The following DHTKD1 variants were observed in gnomAD, a reference collection of about 807,000 sequenced individuals.
The protein encoded by DHTKD1 is dehydrogenase E1 and transketolase domain containing 1.
DHTKD1 carries 78 observed loss-of-function variants against 101.8 expected under a neutral mutation model. The observed-to-expected ratio is 0.77, with a 90% confidence interval of 0.64 to 0.93. The LOEUF (loss-of-function observed/expected upper bound fraction) is 0.93. Among genes scored for constraint, DHTKD1 ranks in the 40% least tolerant of loss-of-function variants. The pLI is 0.00. For missense variants in DHTKD1, 1,223 were observed against 1,161.7 expected (o/e 1.05, Z -0.77); for synonymous variants, 462 against 450.3 (o/e 1.03, Z -0.33).
At chr10:12,077,757 C>T (rs555586717) in intron 1 of DHTKD1, among the ~76,000 whole-genome samples, 7 of 151,828 alleles carry the variant, frequency 4.6e-5, no homozygotes, top group East Asian at 1.9e-4. Context: ...AGTACCTTCA[C>T]GTCGTACTCA....
At chr10:12,088,653 G>A (rs1182597733) in intron 4 of DHTKD1, among the ~76,000 whole-genome samples, 1 of 151,834 alleles carries the variant, frequency 6.6e-6, no homozygotes, top group Non-Finnish European at 1.5e-5. Context: ...GCGTGATCTC[G>A]GCTCACTGCA....
chr10:12,119,629 A>AAG (rs1232633406), intron 15 of DHTKD1, among the ~76,000 whole-genome samples: 10 of 151,608 alleles, frequency 6.6e-5, no homozygotes, highest in Non-Finnish European at 1.3e-4. Context: ...AAAAAAAAAA[A>AAG]AAAAAAGAAA....
intron 2 of DHTKD1, among the ~76,000 whole-genome samples, chr10:12,081,930 A>C (rs566236301): frequency 6.6e-6 from 1 of 151,754 alleles, no homozygotes; most frequent in South Asian, 2.1e-4. Flanking sequence ...GTTTGAGACC[A>C]ACCTGGGCAA....
chr10:12,117,235 CCTGA>C (rs1486656614), intron 13 of DHTKD1, among the ~76,000 whole-genome samples: 3 of 151,206 alleles, frequency 2.0e-5, no homozygotes, highest in African/African-American at 7.3e-5. Context: ...GTCTCAAACT[CCTGA>C]CCTCAGGTGA....
chr10:12,098,717 A>T (rs1283803816), intron 8 of DHTKD1, among the ~76,000 whole-genome samples: 2 of 152,150 alleles, frequency 1.3e-5, no homozygotes, highest in Non-Finnish European at 2.9e-5. Flanking sequence ...GGCATGTGCC[A>T]CCATGCCCAG....
At chr10:12,120,142 G>C (rs1833501155) in intron 15 of DHTKD1, 40 bp from the exon 16 acceptor site, 1 of 1,505,276 alleles carries the variant, frequency 6.6e-7, no homozygotes, top group Non-Finnish European at 9.2e-7. Flanking sequence ...CCGTCTGCAT[G>C]TGTCTACTTG....
chr10:12,106,293 T>C lies in DHTKD1; in HGVS notation c.1944T>C (p.Tyr648=), dbSNP rs1564396376. 2 of 1,614,136 alleles carry C rather than the reference T, an allele frequency of 1.2e-6. No individual in the cohort carries two copies. Among genetic ancestry groups the C allele is most frequent in the East Asian group, 2.2e-5 (1 of 44,864 alleles). ...AAGAGGCCGTCCTGGGATTTGAATATGGGATGAGCATTGAGAGCCCAAAGT... is the reference window on the plus strand; with the variant it reads ...AAGAGGCCGTCCTGGGATTTGAATACGGGATGAGCATTGAGAGCCCAAAGT... ...LSEEAVLGFE[Y]GMSIESPKLL... The change falls in exon 11 of 17, where the codon TAT becomes TAC. Residue 648 remains tyrosine (Y), a synonymous_variant. Coordinates refer to ENST00000263035, the MANE Select transcript of DHTKD1 (RefSeq NM_018706.7).
At chr10:12,100,368 C>T (rs1393786494) in intron 9 of DHTKD1, 106 bp downstream of exon 9, 1 of 557,998 alleles carries the variant, frequency 1.8e-6, no homozygotes, top group Non-Finnish European at 3.0e-6. Context: ...ACCTCCGCCT[C>T]CCAGGTTCAA....
chr10:12,105,279 G>A (rs1275237919), intron 10 of DHTKD1, among the ~76,000 whole-genome samples: 1 of 151,866 alleles, frequency 6.6e-6, no homozygotes, highest in African/African-American at 2.4e-5. Flanking sequence ...ACCAAAGGTA[G>A]GACTTTATTT....
At chr10:12,101,919 T>C (rs1833176274) in intron 10 of DHTKD1, among the ~76,000 whole-genome samples, 1 of 152,202 alleles carries the variant, frequency 6.6e-6, no homozygotes, top group South Asian at 2.1e-4. Flanking sequence ...ACCATGTATT[T>C]CTGTGTGGCA....
Position 12,068,983 on chromosome 10 carries a change from G to C in DHTKD1, c.-51G>C. 1 of 1,605,982 alleles carries C rather than the reference G, an allele frequency of 6.2e-7. No individual in the cohort carries two copies. The highest frequency in any genetic ancestry group is 1.7e-5 in the Admixed American group (1 of 59,600). ...AGTCCCGGATTTACCAGGGCCGGTGGGATCCCCTCGGGCTCCCGCCTTAGC... is the reference window on the plus strand; with the variant it reads ...AGTCCCGGATTTACCAGGGCCGGTGCGATCCCCTCGGGCTCCCGCCTTAGC... On this transcript the variant is annotated 5_prime_UTR_variant, in exon 1 of 17. Coordinates refer to ENST00000263035, the MANE Select transcript of DHTKD1 (RefSeq NM_018706.7).
chr10:12,089,752 C>T (rs1832958833), intron 5 of DHTKD1, among the ~76,000 whole-genome samples: 1 of 152,002 alleles, frequency 6.6e-6, no homozygotes, highest in South Asian at 2.1e-4. Context: ...CTCACTGCAA[C>T]CTCTGCCTCC....
intron 5 of DHTKD1, among the ~76,000 whole-genome samples, chr10:12,090,482 CT>C (rs1204248530): frequency 7.9e-6 from 1 of 126,512 alleles, no homozygotes. Flanking sequence ...CTTCCTTCTT[CT>C]TTCTCTCTCT....
chr10:12,120,059 T>G (rs1335144169), intron 15 of DHTKD1, 123 bp from the exon 16 acceptor site: 3 of 712,062 alleles, frequency 4.2e-6, no homozygotes, highest in East Asian at 2.5e-5. Flanking sequence ...CAGTTTCTAG[T>G]GAATGTGAAT....
At chr10:12,108,303 G>A (rs1833280434) in intron 12 of DHTKD1, among the ~76,000 whole-genome samples, 1 of 151,576 alleles carries the variant, frequency 6.6e-6, no homozygotes, top group African/African-American at 2.4e-5. Flanking sequence ...TTTTTGAGAT[G>A]GGGTCTCGCT....
At position 12,101,303 on chromosome 10, in the gene DHTKD1, T is replaced by G. The variant is rs1393235093; in HGVS notation, c.1896+122T>G. Reference sequence around the variant, plus strand: ...TTCAGTACTTTTGGAAGTAAAGGAGTGCTAAATGGGTGGATGAGGTGGGTC... The same window carrying G: ...TTCAGTACTTTTGGAAGTAAAGGAGGGCTAAATGGGTGGATGAGGTGGGTC... On this transcript the variant is annotated intron_variant, in intron 10 of 16. Transcript: ENST00000263035. 3 of 1,084,848 alleles carry G rather than the reference T, an allele frequency of 2.8e-6. No homozygotes were observed. The African/African-American group carries it at 4.8e-5, about 17-fold the overall frequency. The allele number at this position is 1,084,848 out of a possible 1,614,324, so 67.2% of individuals were successfully genotyped here.
chr10:12,074,106 A>G lies in DHTKD1; in HGVS notation c.154+4919A>G, dbSNP rs540210269. Among the ~76,000 whole-genome samples, 4 of 152,240 alleles carry G rather than the reference A, an allele frequency of 2.6e-5. No homozygotes were observed. The East Asian group carries it at 7.7e-4, about 29-fold the overall frequency. ...AAACTGTTTGGGCGGTATTACGCCT[A>G]ACGTAAAGGTATTCATTTTTCTCTT... On this transcript the variant is annotated intron_variant, in intron 1 of 16. Transcript: ENST00000263035.
At chr10:12,118,677 T>C (rs555484988) in intron 14 of DHTKD1, 72 bp from the exon 15 acceptor site, 288 of 1,320,348 alleles carry the variant, frequency 2.2e-4, no homozygotes, top group African/African-American at 4.7e-4. Context: ...CTACTGCACC[T>C]GGCCTCTTCT....
At chr10:12,076,039 A>G (rs1356974229) in intron 1 of DHTKD1, among the ~76,000 whole-genome samples, 1 of 150,798 alleles carries the variant, frequency 6.6e-6, no homozygotes, top group Non-Finnish European at 1.5e-5. Flanking sequence ...TCCCACAGCA[A>G]CAGTCTTAGG....
Sources: gnomAD v4.1 joint callset for allele counts (sites outside exome capture counted in the v4.1 genomes callset) on GRCh38, gnomAD v4.1.1 for gene constraint, MANE v1.5 for transcripts, NCBI Gene and HGNC (gene_info 2026-07-23, HGNC 2026-07-21) for gene names.